The following AGPAT2 variants were observed in gnomAD, a reference collection of about 807,000 sequenced individuals.
AGPAT2 encodes 1-acylglycerol-3-phosphate O-acyltransferase 2.
In AGPAT2, 18 loss-of-function variants were observed where a neutral mutation model predicts 26.1. That is an observed-to-expected ratio of 0.69 (90% CI 0.48 to 1.02). The LOEUF (loss-of-function observed/expected upper bound fraction) is 1.02, where lower values mean the gene tolerates loss of function less well. Among genes scored for constraint, AGPAT2 ranks in the 50% least tolerant of loss-of-function variants. The pLI, the probability that AGPAT2 is intolerant of heterozygous loss-of-function variation, is 0.00. For synonymous variants in AGPAT2, 200 were observed against 174.2 expected (o/e 1.15, Z -1.16); for missense variants, 415 against 394.9 (o/e 1.05, Z -0.43).
In AGPAT2 at chr9:136,673,828, G is replaced by T. The variant is rs147616533; in HGVS notation, c.761C>A (p.Thr254Asn). 32 of 1,606,820 alleles carry T rather than the reference G, an allele frequency of 2.0e-5. No individual in the cohort carries two copies. Among genetic ancestry groups the T allele is most frequent in the Non-Finnish European group, 2.7e-5 (32 of 1,178,242 alleles). ...GGTCTTGGAGATGTGGAGGAAGGTG[G>T]TCCTCATGGCCCGGTGGCAGGTGTC... is the stretch of plus-strand genomic sequence containing the variant. ...LVDTCHRAMR[T>N]TFLHISKTPQ... The change falls in exon 6 of 6, where the codon ACC becomes AAC. Residue 254 changes from threonine (T) to asparagine (N), a missense_variant. Thr to Asn is a moderately conservative substitution (Grantham distance 65, BLOSUM62 0). Coordinates refer to ENST00000371696, the MANE Select transcript of AGPAT2 (RefSeq NM_006412.4).
At position 136,677,575 on chromosome 9, in the gene AGPAT2, T is replaced by G. The variant is rs1185432591; in HGVS notation, c.183-19A>C. Reference sequence around the variant, plus strand: ...GATGATGCTGCAGGGGAGGCCACCATGAACACGGGTCCCACAGATCCCGCA... The same window carrying G: ...GATGATGCTGCAGGGGAGGCCACCAGGAACACGGGTCCCACAGATCCCGCA... On this transcript the variant is annotated intron_variant, in intron 1 of 5. Transcript: ENST00000371696. The G allele has an allele frequency of 9.3e-6, 15 of 1,612,664 alleles. No homozygotes were observed. The South Asian group carries it at 1.6e-4, about 18-fold the overall frequency.
intron 1 of AGPAT2, among the ~76,000 whole-genome samples, chr9:136,681,742 C>T (rs1846163990): frequency 6.6e-6 from 1 of 152,142 alleles, no homozygotes; most frequent in African/African-American, 2.4e-5. Context: ...GAGGAGGTTG[C>T]GTTGAGCCGA....
At chr9:136,680,280 G>A (rs967780759) in intron 1 of AGPAT2, among the ~76,000 whole-genome samples, 1 of 152,226 alleles carries the variant, frequency 6.6e-6, no homozygotes, top group African/African-American at 2.4e-5. Flanking sequence ...AGACTGGAGT[G>A]CAGTGGTGTG....
intron 4 of AGPAT2, among the ~76,000 whole-genome samples, chr9:136,676,014 C>T (rs936655677): frequency 6.6e-6 from 1 of 152,174 alleles, no homozygotes. Context: ...CCCAGCACAG[C>T]GGCAGAGGCA....
At chr9:136,687,049 G>C (rs1276138260) in intron 1 of AGPAT2, 127 bp downstream of exon 1, 2 of 1,117,228 alleles carry the variant, frequency 1.8e-6, no homozygotes, top group South Asian at 3.4e-5. Context: ...GCCCAGGCGC[G>C]CTCTCCCCGG....
chr9:136,676,504 G>A, intron 4 of AGPAT2, 81 bp downstream of exon 4: 3 of 1,143,526 alleles, frequency 2.6e-6, no homozygotes, highest in African/African-American at 3.0e-5. Flanking sequence ...CAGCTCGGCT[G>A]GTGGTCACCT....
intron 4 of AGPAT2, 86 bp downstream of exon 4, chr9:136,676,498 TC>T: frequency 4.6e-6 from 5 of 1,079,750 alleles, no homozygotes; most frequent in Non-Finnish European, 7.0e-6. Flanking sequence ...GGTCCTCAGC[TC>T]GGCTGGTGGT....
At chr9:136,684,670 G>A (rs1398197479) in intron 1 of AGPAT2, among the ~76,000 whole-genome samples, 1 of 152,206 alleles carries the variant, frequency 6.6e-6, no homozygotes, top group Non-Finnish European at 1.5e-5. Flanking sequence ...GCGCTGGGCT[G>A]GGAACAAGGG....
At chr9:136,674,282 C>G (rs1846058620) in intron 5 of AGPAT2, among the ~76,000 whole-genome samples, 1 of 152,252 alleles carries the variant, frequency 6.6e-6, no homozygotes. Context: ...CCCCACTGCT[C>G]TCCAACTTTG....
intron 1 of AGPAT2, among the ~76,000 whole-genome samples, chr9:136,686,493 G>A (rs559641734): frequency 7.5e-4 from 115 of 152,372 alleles, no homozygotes; most frequent in African/African-American, 2.7e-3. Context: ...CCTTCTGGAA[G>A]GCGTCCAGGG....
At position 136,673,650 on chromosome 9, in the gene AGPAT2, G is replaced by C. The variant is rs144522710; in HGVS notation, c.*102C>G. ...GGGCTGAGTGAGAGCTGGGGGAGCC[G>C]GACAGAGTGGTATTTGGAAGCCGGG... On this transcript the variant is annotated 3_prime_UTR_variant, in exon 6 of 6. Transcript: ENST00000371696. 7.0e-6 allele frequency: 9 copies of C among 1,293,964 alleles called. No individual in the cohort carries two copies. Among genetic ancestry groups the C allele is most frequent in the African/African-American group, 3.0e-5 (2 of 65,972 alleles). 80.2% of individuals were successfully genotyped at this position (1,293,964 alleles called of 1,614,324 possible).
chr9:136,677,538 C>G lies in AGPAT2; in HGVS notation c.201G>C (p.Val67=). ...GCCCGTAAAAGTACTTGAAGCTTCG[C>G]ACGAACCAGCCGATGATGCTGCAGG... ...VENMSIIGWF[V]RSFKYFYGLR... is the part of the protein sequence containing the mutation. The change falls in exon 2 of 6, where the codon GTG becomes GTC. Residue 67 remains valine, a synonymous_variant. Coordinates refer to ENST00000371696, the MANE Select transcript of AGPAT2 (RefSeq NM_006412.4). 6.2e-7 allele frequency: 1 copy of G among 1,612,878 alleles called. No homozygotes were observed.
intron 1 of AGPAT2, 147 bp from the exon 2 acceptor site, chr9:136,677,703 C>G (rs567166825): frequency 1.0e-6 from 1 of 989,976 alleles, no homozygotes; most frequent in African/African-American, 1.6e-5. Context: ...GGGAGGGAGC[C>G]CCTGAAGCGG....
chr9:136,677,170 G>C, intron 2 of AGPAT2, 34 bp from the exon 3 acceptor site: 1 of 1,609,346 alleles, frequency 6.2e-7, no homozygotes, highest in Non-Finnish European at 8.5e-7. Flanking sequence ...AGAGAGAGAG[G>C]GGGAGACAGC....
intron 5 of AGPAT2, 61 bp from the exon 6 acceptor site, chr9:136,673,988 T>C: frequency 1.4e-6 from 2 of 1,416,664 alleles, no homozygotes; most frequent in South Asian, 3.0e-5. Flanking sequence ...CTCAGCCTGC[T>C]GCCCTGGCCT....
chr9:136,678,943 G>T (rs1846126671), intron 1 of AGPAT2, among the ~76,000 whole-genome samples: 1 of 152,090 alleles, frequency 6.6e-6, no homozygotes, highest in African/African-American at 2.4e-5. Context: ...GGTACAGATG[G>T]GCTTTCACCA....
At chr9:136,678,792 G>C (rs1443526310) in intron 1 of AGPAT2, among the ~76,000 whole-genome samples, 2 of 119,892 alleles carry the variant, frequency 1.7e-5, no homozygotes, top group African/African-American at 6.5e-5. Flanking sequence ...GTCTTGCTCT[G>C]TGACACAATG....
intron 1 of AGPAT2, among the ~76,000 whole-genome samples, chr9:136,680,414 A>T (rs1846144085): frequency 6.6e-6 from 1 of 151,920 alleles, no homozygotes; most frequent in South Asian, 2.1e-4. Flanking sequence ...TTTAGTAGAG[A>T]CGGGGTTTCA....
chr9:136,674,996 C>G (rs983822664), intron 4 of AGPAT2, among the ~76,000 whole-genome samples, 189 bp from the exon 5 acceptor site: 3 of 152,206 alleles, frequency 2.0e-5, no homozygotes, highest in Admixed American at 6.5e-5. Flanking sequence ...CCCAGAGTTC[C>G]ATAAGCTCAT....
Sources: gnomAD v4.1 joint callset for allele counts (sites outside exome capture counted in the v4.1 genomes callset) on GRCh38, gnomAD v4.1.1 for gene constraint, MANE v1.5 for transcripts, NCBI Gene and HGNC (gene_info 2026-07-23, HGNC 2026-07-21) for gene names.